IGF2BP1: variants seen among roughly 807,000 people sequenced by gnomAD.
The protein encoded by IGF2BP1 is insulin like growth factor 2 mRNA binding protein 1.
IGF2BP1 carries 11 observed loss-of-function variants against 74.9 expected under a neutral mutation model. The observed-to-expected ratio is 0.15, with a 90% CI of 0.09 to 0.24. The LOEUF (loss-of-function observed/expected upper bound fraction) is 0.24. Among genes scored for constraint, IGF2BP1 ranks in the 10% least tolerant of loss-of-function variants. IGF2BP1 has a pLI of 1.00. For missense variants in IGF2BP1, 440 were observed against 757.4 expected (o/e 0.58, Z 4.92); for synonymous variants, 287 against 281.8 (o/e 1.02, Z -0.18).
At chr17:49,004,342 C>T (rs1025179900) in intron 2 of IGF2BP1, among the ~76,000 whole-genome samples, 3 of 152,116 alleles carry the variant, frequency 2.0e-5, no homozygotes, top group African/African-American at 7.2e-5. Context: ...CTTTCCAGCA[C>T]CTGGGCTGCC....
chr17:49,008,915 T>C (rs998661535), intron 2 of IGF2BP1, among the ~76,000 whole-genome samples: 1 of 152,076 alleles, frequency 6.6e-6, no homozygotes, highest in Non-Finnish European at 1.5e-5. Context: ...TATTTTTATC[T>C]AGTAAGAGTC....
At chr17:49,020,553 C>T (rs766878316) in intron 2 of IGF2BP1, among the ~76,000 whole-genome samples, 14 of 152,186 alleles carry the variant, frequency 9.2e-5, no homozygotes, top group African/African-American at 3.1e-4. Context: ...CCAGACTCTT[C>T]GCACTGTCCC....
At chr17:49,000,716 A>G (rs1011236887) in intron 2 of IGF2BP1, among the ~76,000 whole-genome samples, 11 of 152,310 alleles carry the variant, frequency 7.2e-5, no homozygotes, top group South Asian at 2.1e-4. Context: ...GATGGTTTAA[A>G]TTTTAGGGAA....
intron 14 of IGF2BP1, among the ~76,000 whole-genome samples, chr17:49,048,444 G>C (rs1441294897): frequency 6.6e-6 from 1 of 151,692 alleles, no homozygotes; most frequent in African/African-American, 2.4e-5. Flanking sequence ...ATAAAGATGG[G>C]GTTTCACCGT....
At position 49,025,601 on chromosome 17, in the gene IGF2BP1, TC is replaced by T; in HGVS notation, c.237-12del. 4 of 1,611,168 alleles carry T rather than the reference TC, an allele frequency of 2.5e-6. No individual in the cohort carries two copies. The highest frequency in any genetic ancestry group is 3.4e-6 in the Non-Finnish European group (4 of 1,178,558). ...TATTCAGAGCTTTCTTTAACTCTGC[TC>T]CCCCTTTACTTTCAGGAGCCGGAAA... On this transcript the variant is annotated splice_polypyrimidine_tract_variant and intron_variant, in intron 2 of 14. Coordinates refer to ENST00000290341, the MANE Select transcript of IGF2BP1 (RefSeq NM_006546.4).
chr17:49,002,514 C>T (rs959944257), intron 2 of IGF2BP1, among the ~76,000 whole-genome samples: 2 of 151,806 alleles, frequency 1.3e-5, no homozygotes, highest in Non-Finnish European at 2.9e-5. Flanking sequence ...ACTACTAGAG[C>T]GGGAGGGTTT....
intron 2 of IGF2BP1, among the ~76,000 whole-genome samples, chr17:49,019,921 T>TATATAC (rs1555597728): frequency 1.4e-4 from 8 of 55,570 alleles, no homozygotes; most frequent in African/African-American, 9.0e-4. Context: ...TATATATATA[T>TATATAC]ATATATATAT....
At chr17:49,021,655 G>A (rs1302217499) in intron 2 of IGF2BP1, among the ~76,000 whole-genome samples, 1 of 152,204 alleles carries the variant, frequency 6.6e-6, no homozygotes, top group Non-Finnish European at 1.5e-5. Flanking sequence ...GGGGCTGGTT[G>A]CTTCATTCTT....
chr17:49,031,300 G>C (rs1251905719), intron 4 of IGF2BP1, among the ~76,000 whole-genome samples: 1 of 151,820 alleles, frequency 6.6e-6, no homozygotes, highest in East Asian at 1.9e-4. Context: ...TTAGAGATAG[G>C]GTTTTGCCAT....
Position 49,042,359 on chromosome 17 carries a change from T to C in IGF2BP1, c.1059T>C (p.Asn353=). 6.2e-7 allele frequency: 1 copy of C among 1,614,104 alleles called. No individual in the cohort carries two copies. The highest frequency in any genetic ancestry group is 2.2e-5 in the East Asian group (1 of 44,882). The change falls in exon 9 of 15, where the codon AAT becomes AAC. Residue 353 remains asparagine, a synonymous_variant. Coordinates refer to ENST00000290341, the MANE Select transcript of IGF2BP1 (RefSeq NM_006546.4). ...IMKKVREAYE[N]DVAAMSLQSH... Reference sequence around the variant, plus strand: ...AGAAAGTTCGGGAGGCCTATGAGAATGATGTGGCTGCCATGAGCGTGAGTG... The same window carrying C: ...AGAAAGTTCGGGAGGCCTATGAGAACGATGTGGCTGCCATGAGCGTGAGTG...
In IGF2BP1 at chr17:48,999,099, TA is replaced by T; in HGVS notation, c.176-8del. 2 of 1,525,458 alleles carry T rather than the reference TA, an allele frequency of 1.3e-6. No homozygotes were observed. Among genetic ancestry groups the T allele is most frequent in the Non-Finnish European group, 9.0e-7 (1 of 1,108,898 alleles). 94.5% of individuals were successfully genotyped at this position (1,525,458 alleles called of 1,614,324 possible). A position where few individuals can be genotyped will look rare whatever the true frequency, so the allele number is the denominator to read the frequency against. ...AGCTCTCATGGTAATTTTTTTTTTT[TA>T]ATCTTTAGGGAAAGTAGAATTACAA... is the stretch of plus-strand genomic sequence containing the variant. On this transcript the variant is annotated splice_polypyrimidine_tract_variant and intron_variant, in intron 1 of 14. Transcript: ENST00000290341.
chr17:49,017,216 T>G (rs1307730699), intron 2 of IGF2BP1, among the ~76,000 whole-genome samples: 2 of 152,112 alleles, frequency 1.3e-5, no homozygotes, highest in Non-Finnish European at 2.9e-5. Flanking sequence ...CACCTACTTC[T>G]GAAGGGGTCC....
intron 2 of IGF2BP1, among the ~76,000 whole-genome samples, chr17:49,016,778 ACAGCCCGC>A (rs1218907884): frequency 1.3e-4 from 19 of 145,500 alleles, no homozygotes; most frequent in East Asian, 2.1e-4. Flanking sequence ...CTGCCACTCG[ACAGCCCGC>A]CAGCCCGCCC....
In IGF2BP1 at chr17:49,050,133, C is replaced by T. The variant is rs1194418133; in HGVS notation, c.*689C>T. On this transcript the variant is annotated 3_prime_UTR_variant, in exon 15 of 15. Coordinates refer to ENST00000290341, the MANE Select transcript of IGF2BP1 (RefSeq NM_006546.4). The stretch of plus-strand genomic sequence containing the variant: ...TAATAATCCACGTTTAAAAGGAGCG[C>T]ACTTGTGGCTGATCTATGCCAGATC... 1.3e-5 allele frequency: 2 copies of T among 152,576 alleles called. No individual in the cohort carries two copies. Among genetic ancestry groups the T allele is most frequent in the Non-Finnish European group, 2.9e-5 (2 of 68,038 alleles). The allele number at this position is 152,576 out of a possible 1,614,324, so 9.5% of individuals were successfully genotyped here. A position where few individuals can be genotyped will look rare whatever the true frequency, so the allele number is the denominator to read the frequency against.
At chr17:49,007,609 T>C (rs2041565562) in intron 2 of IGF2BP1, among the ~76,000 whole-genome samples, 1 of 152,234 alleles carries the variant, frequency 6.6e-6, no homozygotes, top group Non-Finnish European at 1.5e-5. Flanking sequence ...AATTAGTTTA[T>C]GCAGAATGAT....
chr17:49,044,202 G>A, intron 11 of IGF2BP1, 116 bp downstream of exon 11: 2 of 1,398,692 alleles, frequency 1.4e-6, no homozygotes, highest in East Asian at 2.4e-5. Flanking sequence ...TGTCATATGA[G>A]GGACCTTTCC....
intron 2 of IGF2BP1, among the ~76,000 whole-genome samples, chr17:49,014,558 G>T (rs574045133): frequency 2.0e-5 from 3 of 152,080 alleles, no homozygotes; most frequent in African/African-American, 7.2e-5. Flanking sequence ...GCACTTGAGG[G>T]GGGGAGGAGG....
At chr17:48,997,088 G>A (rs1434172558), upstream of IGF2BP1, among the ~76,000 whole-genome samples, 2 of 151,746 alleles carry the variant, frequency 1.3e-5, no homozygotes, top group South Asian at 2.1e-4. The surrounding 1 kb of genome is among the most constrained non-coding windows in gnomAD (Gnocchi z 4.8). Flanking sequence ...AGACATGTGA[G>A]ATCTGGGCTG....
Position 49,051,336 on chromosome 17 carries a change from C to G in IGF2BP1, c.*1892C>G, listed in dbSNP as rs1412812013. 2.0e-5 allele frequency: 3 copies of G among 152,596 alleles called. No homozygotes were observed. Among genetic ancestry groups the G allele is most frequent in the Non-Finnish European group, 2.9e-5 (2 of 68,062 alleles). The allele number at this position is 152,596 out of a possible 1,614,324, so 9.5% of individuals were successfully genotyped here. A position where few individuals can be genotyped will look rare whatever the true frequency, so the allele number is the denominator to read the frequency against. On this transcript the variant is annotated 3_prime_UTR_variant, in exon 15 of 15. Coordinates refer to ENST00000290341, the MANE Select transcript of IGF2BP1 (RefSeq NM_006546.4). ...TAGGAACTCTCTATGGAGAACAGGC[C>G]TGGTGGGAAAGGCTTTGGGGGCTGC...
Sources: allele counts gnomAD v4.1 joint callset (sites outside exome capture counted in the v4.1 genomes callset), GRCh38; gene constraint gnomAD v4.1.1; non-coding constraint Gnocchi (gnomAD v3.1); transcripts MANE v1.5; gene names NCBI Gene and HGNC (gene_info 2026-07-23, HGNC 2026-07-21).